The following RAPGEF6 variants were observed in gnomAD, a reference collection of about 807,000 sequenced individuals.
RAPGEF6 encodes the protein Rap guanine nucleotide exchange factor 6.
RAPGEF6 carries 56 observed loss-of-function variants against 171.4 expected under a neutral mutation model. The ratio of observed to expected loss-of-function variants is 0.33; its 90% CI spans 0.26 to 0.41. The LOEUF is 0.41. Among genes scored for constraint, RAPGEF6 ranks in the 10% least tolerant of loss-of-function variants. The pLI, the probability that RAPGEF6 is intolerant of heterozygous loss-of-function variation, is 1.00. For missense variants in RAPGEF6, 1,674 were observed against 1,921.4 expected (o/e 0.87, Z 2.41); for synonymous variants, 692 against 650.1 (o/e 1.06, Z -0.98).
chr5:131,505,584 G>A, intron 9 of RAPGEF6, 62 bp from the exon 10 acceptor site: 2 of 1,409,452 alleles, frequency 1.4e-6, no homozygotes, highest in Admixed American at 4.2e-5. Flanking sequence ...TGTTAACTTT[G>A]AAAAAGAATC....
At chr5:131,522,727 C>T (rs984010786) in intron 6 of RAPGEF6, among the ~76,000 whole-genome samples, 3 of 152,062 alleles carry the variant, frequency 2.0e-5, no homozygotes, top group African/African-American at 7.2e-5. Flanking sequence ...TTTTCTGATT[C>T]CTAAAGAAAA....
intron 9 of RAPGEF6, among the ~76,000 whole-genome samples, chr5:131,507,632 T>C (rs1330005118): frequency 6.6e-6 from 1 of 152,196 alleles, no homozygotes; most frequent in Non-Finnish European, 1.5e-5. Flanking sequence ...TAGGATGCAC[T>C]GGTACCAACA....
intron 3 of RAPGEF6, among the ~76,000 whole-genome samples, chr5:131,597,759 C>A (rs1212284058): frequency 6.6e-6 from 1 of 151,792 alleles, no homozygotes; most frequent in Non-Finnish European, 1.5e-5. Flanking sequence ...AAAGTTACAA[C>A]AAAATAAGAA....
At position 131,464,172 on chromosome 5, in the gene RAPGEF6, T is replaced by C. The variant is rs777722513; in HGVS notation, c.2349A>G (p.Glu783=). ...TGTCGGATGCACCGGTCAAACCAAA[T>C]TCATGAACAGCATGAAAAACTACTT... ...AKEVVFHAVH[E]FGLTGASDTY... Residue 783 remains glutamate, a synonymous_variant, in exon 18 of 28, where the codon GAA becomes GAG. Transcript: ENST00000509018. 1.9e-6 allele frequency: 3 copies of C among 1,614,014 alleles called. No homozygotes were observed. Among genetic ancestry groups the C allele is most frequent in the Middle Eastern group, 1.7e-4 (1 of 6,058 alleles).
chr5:131,579,893 G>A (rs922213446), intron 4 of RAPGEF6, among the ~76,000 whole-genome samples: 1 of 152,168 alleles, frequency 6.6e-6, no homozygotes, highest in Admixed American at 6.5e-5. Flanking sequence ...ACAGAGTGCT[G>A]ATTGGTACAT....
intron 19 of RAPGEF6, among the ~76,000 whole-genome samples, chr5:131,459,482 T>C (rs1753756007): frequency 6.6e-6 from 1 of 152,160 alleles, no homozygotes; most frequent in Non-Finnish European, 1.5e-5. Flanking sequence ...TAGGCAATTC[T>C]TTGTTCTTAA....
chr5:131,608,770 C>T, intron 1 of RAPGEF6, among the ~76,000 whole-genome samples: 1 of 151,878 alleles, frequency 6.6e-6, no homozygotes, highest in East Asian at 1.9e-4. Context: ...AAAAGTCTGG[C>T]TTCCTTGGTT....
At chr5:131,533,678 T>C (rs1292796043) in intron 6 of RAPGEF6, among the ~76,000 whole-genome samples, 3 of 152,086 alleles carry the variant, frequency 2.0e-5, no homozygotes, top group Non-Finnish European at 4.4e-5. Flanking sequence ...AAAAATCAGA[T>C]GTACACCAAT....
intron 24 of RAPGEF6, among the ~76,000 whole-genome samples, chr5:131,434,605 CA>C (rs1320194486): frequency 6.6e-6 from 1 of 152,086 alleles, no homozygotes; most frequent in Non-Finnish European, 1.5e-5. Context: ...TTTTCTTCAC[CA>C]ACCTTGCAGA....
At chr5:131,436,432 G>A in intron 24 of RAPGEF6, 1 of 1,396,166 alleles carries the variant, frequency 7.2e-7, no homozygotes, top group Non-Finnish European at 9.6e-7. Context: ...AATTAGCCTT[G>A]TTTACATAAT....
intron 4 of RAPGEF6, among the ~76,000 whole-genome samples, chr5:131,565,481 GGAGGACTGA>G (rs1411296720): frequency 6.6e-6 from 1 of 152,088 alleles, no homozygotes; most frequent in African/African-American, 2.4e-5. Flanking sequence ...AAGTCACCTT[GGAGGACTGA>G]CATAATGACC....
At chr5:131,517,308 T>C (rs756978929) in intron 7 of RAPGEF6, among the ~76,000 whole-genome samples, 1 of 151,952 alleles carries the variant, frequency 6.6e-6, no homozygotes, top group Non-Finnish European at 1.5e-5. Flanking sequence ...AGACATCCAT[T>C]TTTCTGGATA....
At chr5:131,609,092 A>G (rs2150021689) in intron 1 of RAPGEF6, among the ~76,000 whole-genome samples, 1 of 152,290 alleles carries the variant, frequency 6.6e-6, no homozygotes, top group South Asian at 2.1e-4. Flanking sequence ...CCAGCCTGCC[A>G]TGTGATCTTG....
In RAPGEF6 at chr5:131,508,186, T is replaced by C; in HGVS notation, c.827A>G (p.His276Arg). ...CATGTTTGCAAATGCAGGGAGCTGG[T>C]GCATAAACTCCAGCAATTGTTCTAT... ...DDIEQLLEFM[H>R]QLPAFANMTM... Residue 276 changes from histidine (H) to arginine (R), a missense_variant, in exon 9 of 28, where the codon CAC (histidine) becomes CGC (arginine). Transcript: ENST00000509018. The C allele has an allele frequency of 3.7e-6, 6 of 1,611,818 alleles. No homozygotes were observed. Among genetic ancestry groups the C allele is most frequent in the Non-Finnish European group, 5.1e-6 (6 of 1,179,038 alleles).
intron 1 of RAPGEF6, among the ~76,000 whole-genome samples, chr5:131,623,918 G>A (rs1765749516): frequency 6.6e-6 from 1 of 152,192 alleles, no homozygotes; most frequent in African/African-American, 2.4e-5. Flanking sequence ...AGAGAAATAT[G>A]CAAGTAATCA....
chr5:131,445,270 A>G (rs1752611120), intron 22 of RAPGEF6, among the ~76,000 whole-genome samples: 1 of 152,230 alleles, frequency 6.6e-6, no homozygotes, highest in African/African-American at 2.4e-5. Context: ...CCTTACCCTT[A>G]TTTAAAAATT....
At chr5:131,552,087 T>C (rs1349414024) in intron 5 of RAPGEF6, among the ~76,000 whole-genome samples, 3 of 152,084 alleles carry the variant, frequency 2.0e-5, no homozygotes, top group Non-Finnish European at 4.4e-5. Flanking sequence ...GAAGAAAAGA[T>C]TTTTCACTCT....
At chr5:131,436,473 A>G (rs1752012793) in intron 24 of RAPGEF6, 33 of 1,169,060 alleles carry the variant, frequency 2.8e-5, no homozygotes, top group Non-Finnish European at 3.5e-5. Flanking sequence ...TAACATCTTG[A>G]TAATATCTGA....
At chr5:131,538,027 A>G (rs974146719) in intron 6 of RAPGEF6, among the ~76,000 whole-genome samples, 1 of 152,190 alleles carries the variant, frequency 6.6e-6, no homozygotes, top group Non-Finnish European at 1.5e-5. Context: ...GGGAGGTCAA[A>G]GCTGCAATGA....
Sources: gnomAD v4.1 joint callset for allele counts (sites outside exome capture counted in the v4.1 genomes callset) on GRCh38, gnomAD v4.1.1 for gene constraint, MANE v1.5 for transcripts, NCBI Gene and HGNC (gene_info 2026-07-23, HGNC 2026-07-21) for gene names.